Variants in OPCML observed in about 807,000 individuals in gnomAD.
OPCML encodes opioid-binding protein/cell adhesion molecule.
Under a neutral mutation model 37.8 loss-of-function variants are expected in OPCML, and 13 were observed. The observed-to-expected ratio is 0.34, with a 90% CI of 0.22 to 0.55. The LOEUF is 0.55. OPCML is among the 20% of genes least tolerant of loss of function. OPCML has a pLI of 0.91. For missense variants in OPCML, 341 were observed against 435.6 expected (o/e 0.78, Z 1.93); for synonymous variants, 176 against 168.8 (o/e 1.04, Z -0.33).
chr11:132,605,405 A>T (rs1016880756), intron 3 of OPCML, among the ~76,000 whole-genome samples: 26 of 151,848 alleles, frequency 1.7e-4, no homozygotes, highest in Non-Finnish European at 1.5e-4. Flanking sequence ...AAAATAAAAA[A>T]AAAAAAAAGT....
intron 1 of OPCML, among the ~76,000 whole-genome samples, chr11:132,985,975 G>C (rs1167651129): frequency 6.6e-6 from 1 of 152,144 alleles, no homozygotes; most frequent in African/African-American, 2.4e-5. Flanking sequence ...TTTTCCAAAA[G>C]GATAATTCTG....
At chr11:132,497,721 A>G (rs1422888930) in intron 4 of OPCML, among the ~76,000 whole-genome samples, 1 of 152,188 alleles carries the variant, frequency 6.6e-6, no homozygotes, top group African/African-American at 2.4e-5. Flanking sequence ...GAATAATGAT[A>G]GAACAAGAGG....
At chr11:132,561,045 C>T (rs2096409606) in intron 3 of OPCML, among the ~76,000 whole-genome samples, 1 of 152,140 alleles carries the variant, frequency 6.6e-6, no homozygotes, top group Admixed American at 6.6e-5. Flanking sequence ...TGTTGTGGTT[C>T]CAGGCCCTTC....
rs150655956 is a variant in OPCML, at chr11:132,710,302, T to A, written c.147-52983A>T. 3.7e-3 allele frequency among the ~76,000 whole-genome samples: 558 copies of A among 152,328 alleles called. 1 individual carries two copies. The highest frequency in any genetic ancestry group is 0.013 in the African/African-American group (520 of 41,578). ...TATGATAGAATATAAAATAGCATAG[T>A]ATGTCTACTTTAGGGTTTATGGTAT... On this transcript the variant is annotated intron_variant, in intron 2 of 7. Transcript: ENST00000524381.
intron 3 of OPCML, among the ~76,000 whole-genome samples, chr11:132,541,921 C>A (rs2096357599): frequency 2.0e-5 from 3 of 152,202 alleles, no homozygotes; most frequent in Non-Finnish European, 1.5e-5. Context: ...AGAAGTGGCC[C>A]TCACTTTGAT....
chr11:133,314,098 A>G (rs7930054), intron 1 of OPCML, among the ~76,000 whole-genome samples: 86,295 of 149,104 alleles, frequency 0.58, 26,165 homozygotes, highest in East Asian at 0.84. Flanking sequence ...AGCCGGGCGT[A>G]GTGGCGGGCG....
In OPCML at chr11:133,206,031, C is replaced by T. The variant is rs752354027; in HGVS notation, c.62-263021G>A. ...ACTACTGCCGTGAGGAATACAAGAG[C>T]TAATGTACATACATGATGTAGTACC... On this transcript the variant is annotated intron_variant, in intron 1 of 7. Transcript: ENST00000524381. The surrounding 1 kb of genome is among the most constrained non-coding windows in gnomAD (Gnocchi z 4.7). Among the ~76,000 whole-genome samples the T allele has an allele frequency of 2.6e-5, 4 of 152,148 alleles. No homozygotes were observed. Among genetic ancestry groups the T allele is most frequent in the Non-Finnish European group, 5.9e-5 (4 of 68,034 alleles).
intron 1 of OPCML, among the ~76,000 whole-genome samples, chr11:133,222,432 G>A (rs754273426): frequency 9.2e-5 from 14 of 152,188 alleles, no homozygotes; most frequent in Non-Finnish European, 1.6e-4. Context: ...GCTGAGGAAG[G>A]GGATGACACA....
intron 3 of OPCML, among the ~76,000 whole-genome samples, chr11:132,645,343 C>A (rs1941090926): frequency 6.6e-6 from 1 of 152,172 alleles, no homozygotes; most frequent in South Asian, 2.1e-4. Flanking sequence ...CACTAAGCTG[C>A]CCTTTGAGAT....
chr11:133,114,340 C>T (rs545065053), intron 1 of OPCML, among the ~76,000 whole-genome samples: 3 of 152,222 alleles, frequency 2.0e-5, no homozygotes, highest in South Asian at 2.1e-4. Flanking sequence ...CTTTTGGGGT[C>T]GTTCTGACGT....
chr11:132,505,550 C>T (rs569760542), intron 4 of OPCML, among the ~76,000 whole-genome samples: 107 of 152,024 alleles, frequency 7.0e-4, no homozygotes, highest in Non-Finnish European at 1.2e-3. Context: ...AGACCAGAGC[C>T]GAAGAAGAAA....
At chr11:132,990,957 G>T (rs1946763063) in intron 1 of OPCML, among the ~76,000 whole-genome samples, 1 of 152,188 alleles carries the variant, frequency 6.6e-6, no homozygotes, top group South Asian at 2.1e-4. Flanking sequence ...ATGATTCCAA[G>T]TCTTGCCTTT....
At chr11:132,600,594 G>A (rs1388617855) in intron 3 of OPCML, among the ~76,000 whole-genome samples, 1 of 152,182 alleles carries the variant, frequency 6.6e-6, no homozygotes, top group Non-Finnish European at 1.5e-5. Flanking sequence ...CGACTGACTA[G>A]TCTGCAACCC....
chr11:132,462,199 A>G (rs1024838164), intron 4 of OPCML, among the ~76,000 whole-genome samples: 5 of 152,184 alleles, frequency 3.3e-5, no homozygotes, highest in Non-Finnish European at 7.3e-5. Flanking sequence ...GCTGGTGGGA[A>G]GAATCCCCCC....
At chr11:132,886,673 T>C (rs1415923456) in intron 2 of OPCML, among the ~76,000 whole-genome samples, 1 of 152,154 alleles carries the variant, frequency 6.6e-6, no homozygotes, top group Non-Finnish European at 1.5e-5. Flanking sequence ...CATGAGTCCA[T>C]ACCGGGTTCA....
intron 1 of OPCML, among the ~76,000 whole-genome samples, chr11:133,163,125 G>C (rs1041232889): frequency 6.6e-6 from 1 of 152,142 alleles, no homozygotes; most frequent in Non-Finnish European, 1.5e-5. Flanking sequence ...TGTGTGCCAG[G>C]TCTTAATATG....
intron 1 of OPCML, among the ~76,000 whole-genome samples, chr11:133,228,300 C>T (rs1940129055): frequency 6.6e-6 from 1 of 152,134 alleles, no homozygotes; most frequent in African/African-American, 2.4e-5. Context: ...GTTCACACCC[C>T]GGTTTTACAG....
chr11:133,249,434 C>T (rs2136430186), intron 1 of OPCML, among the ~76,000 whole-genome samples: 1 of 152,274 alleles, frequency 6.6e-6, no homozygotes, highest in African/African-American at 2.4e-5. Context: ...GACCCAAATG[C>T]CTCCAACCAG....
chr11:133,409,584 G>A (rs1364122400), intron 1 of OPCML, among the ~76,000 whole-genome samples: 1 of 152,122 alleles, frequency 6.6e-6, no homozygotes, highest in Non-Finnish European at 1.5e-5. Flanking sequence ...TATCCAGAGA[G>A]TTTTCTACCA....
Sources: gnomAD v4.1 joint callset for allele counts (sites outside exome capture counted in the v4.1 genomes callset) on GRCh38, gnomAD v4.1.1 for gene constraint, Gnocchi (gnomAD v3.1) non-coding constraint, MANE v1.5 for transcripts, NCBI Gene and HGNC (gene_info 2026-07-23, HGNC 2026-07-21) for gene names.